The following CDH12 variants were observed in gnomAD, a reference collection of about 807,000 sequenced individuals.
CDH12 encodes cadherin 12.
In CDH12, 41 loss-of-function variants were observed where a neutral mutation model predicts 74.1. The observed-to-expected ratio is 0.55, with a 90% CI of 0.43 to 0.72. The LOEUF (loss-of-function observed/expected upper bound fraction) is 0.72. Ranked by LOEUF, CDH12 falls within the 30% of genes least tolerant of loss-of-function variation. The pLI is 0.00. For missense variants in CDH12, 945 were observed against 977.2 expected, an observed-to-expected ratio of 0.97 and a Z score of 0.44; for synonymous variants, 399 against 355.0, an observed-to-expected ratio of 1.12 and a Z score of -1.39.
chr5:22,172,050 T>A (rs1749062997), intron 4 of CDH12, among the ~76,000 whole-genome samples: 1 of 151,964 alleles, frequency 6.6e-6, no homozygotes, highest in Non-Finnish European at 1.5e-5. Flanking sequence ...TGAATTTAGA[T>A]GCCTCCAATT....
chr5:22,385,286 A>G (rs112956419), intron 3 of CDH12, among the ~76,000 whole-genome samples: 2 of 152,162 alleles, frequency 1.3e-5, no homozygotes, highest in Non-Finnish European at 2.9e-5. Flanking sequence ...TACTGTGCAG[A>G]CACAGATCTT....
intron 1 of CDH12, among the ~76,000 whole-genome samples, chr5:22,683,118 A>G (rs1741583490): frequency 6.6e-6 from 1 of 152,166 alleles, no homozygotes. Flanking sequence ...CCATTTCTTA[A>G]ACAGACAGCA....
chr5:22,376,017 T>C (rs1741507332), intron 3 of CDH12, among the ~76,000 whole-genome samples: 1 of 152,250 alleles, frequency 6.6e-6, no homozygotes, highest in Non-Finnish European at 1.5e-5. Flanking sequence ...CTTGCATGTT[T>C]ATTGTGGCAT....
At position 22,132,796 on chromosome 5, in the gene CDH12, C is replaced by A. The variant is rs1208618740; in HGVS notation, c.-186-53934G>T. On this transcript the variant is annotated intron_variant, in intron 4 of 14. Transcript: ENST00000382254. ...GTCTCAGGGTTTTAGGCTACATATG[C>A]TTTTCATCCACCTTGTCTATGCAAC... 2.6e-5 allele frequency among the ~76,000 whole-genome samples: 4 copies of A among 152,162 alleles called. No homozygotes were observed. The East Asian group carries it at 7.7e-4, about 29-fold the overall frequency.
chr5:22,110,639 C>T (rs1744753291), intron 4 of CDH12, among the ~76,000 whole-genome samples: 1 of 151,978 alleles, frequency 6.6e-6, no homozygotes, highest in Non-Finnish European at 1.5e-5. Flanking sequence ...TGCAAAATAC[C>T]TGAAAAGATA....
chr5:22,566,636 G>A (rs1049170487), intron 1 of CDH12, among the ~76,000 whole-genome samples: 14 of 152,056 alleles, frequency 9.2e-5, no homozygotes, highest in Admixed American at 3.3e-4. Context: ...CTCAGTTTTC[G>A]CTTTTGTTGT....
intron 6 of CDH12, among the ~76,000 whole-genome samples, chr5:21,894,382 G>GAAAAAAAAAAAAAA (rs376989106): frequency 2.7e-5 from 2 of 73,426 alleles, no homozygotes; most frequent in Non-Finnish European, 5.8e-5. Context: ...CCGTCTCAAA[G>GAAAAAAAAAAAAAA]AAAAAAAAAA....
At chr5:22,648,779 A>C (rs1439614872) in intron 1 of CDH12, among the ~76,000 whole-genome samples, 1 of 151,888 alleles carries the variant, frequency 6.6e-6, no homozygotes, top group Non-Finnish European at 1.5e-5. Context: ...ACAAAGGGTA[A>C]ATCTTAACAA....
chr5:22,324,111 G>A (rs1444321947), intron 3 of CDH12, among the ~76,000 whole-genome samples: 1 of 152,132 alleles, frequency 6.6e-6, no homozygotes, highest in Non-Finnish European at 1.5e-5. Flanking sequence ...AATTCACAAT[G>A]ATTAGATGAC....
chr5:22,383,590 C>T (rs187840357), intron 3 of CDH12, among the ~76,000 whole-genome samples: 3 of 152,270 alleles, frequency 2.0e-5, no homozygotes, highest in Admixed American at 1.3e-4. Flanking sequence ...TAGAAATTCT[C>T]ATTTTGGGAG....
At chr5:22,284,733 A>G (rs560631991) in intron 3 of CDH12, among the ~76,000 whole-genome samples, 1 of 152,286 alleles carries the variant, frequency 6.6e-6, no homozygotes, top group African/African-American at 2.4e-5. Context: ...GTGTCTGAAT[A>G]CCAGAAAGTG....
intron 5 of CDH12, among the ~76,000 whole-genome samples, chr5:22,035,713 TACAC>T (rs149918147): frequency 0.027 from 3,868 of 143,262 alleles, 80 homozygotes; most frequent in South Asian, 0.07. Flanking sequence ...ACTTCACACA[TACAC>T]ACACACACAC....
intron 5 of CDH12, among the ~76,000 whole-genome samples, chr5:22,065,842 A>C (rs1741520215): frequency 6.6e-6 from 1 of 152,228 alleles, no homozygotes; most frequent in African/African-American, 2.4e-5. Flanking sequence ...CCAATAAACC[A>C]TAGTCAAAAG....
intron 1 of CDH12, among the ~76,000 whole-genome samples, chr5:22,697,401 C>G (rs1742428363): frequency 6.6e-6 from 1 of 151,898 alleles, no homozygotes; most frequent in South Asian, 2.1e-4. Flanking sequence ...GGAACCCCGT[C>G]TCTACTAAAA....
chr5:22,611,207 G>C (rs1580814697), intron 1 of CDH12, among the ~76,000 whole-genome samples: 1 of 151,974 alleles, frequency 6.6e-6, no homozygotes, highest in African/African-American at 2.4e-5. Context: ...TGGCACTTCT[G>C]ACTTATCCCA....
chr5:21,993,309 T>G (rs1366087733), intron 5 of CDH12, among the ~76,000 whole-genome samples: 4 of 152,190 alleles, frequency 2.6e-5, no homozygotes, highest in African/African-American at 9.7e-5. Flanking sequence ...TGAGTGTCCA[T>G]ATCCTGCATA....
chr5:21,931,616 C>A (rs867108788), intron 6 of CDH12, among the ~76,000 whole-genome samples: 16 of 152,174 alleles, frequency 1.1e-4, no homozygotes, highest in Non-Finnish European at 2.1e-4. Context: ...AGAAGCTATG[C>A]ATATTATAGT....
intron 5 of CDH12, among the ~76,000 whole-genome samples, chr5:22,027,609 T>C (rs1038864088): frequency 2.0e-5 from 3 of 152,160 alleles, no homozygotes; most frequent in African/African-American, 7.2e-5. Context: ...CGTAGAGGTG[T>C]TTGTAGTATT....
intron 5 of CDH12, among the ~76,000 whole-genome samples, chr5:22,018,776 C>A (rs111306059): frequency 6.6e-6 from 1 of 152,040 alleles, no homozygotes. Context: ...ACAGGTGTTA[C>A]GTTCAGAAAT....
Sources: allele counts gnomAD v4.1 joint callset (sites outside exome capture counted in the v4.1 genomes callset), GRCh38; gene constraint gnomAD v4.1.1; transcripts MANE v1.5; gene names NCBI Gene and HGNC (gene_info 2026-07-23, HGNC 2026-07-21).